ST3GAL2: variants seen among roughly 807,000 people sequenced by gnomAD.
The protein encoded by ST3GAL2 is CMP-N-acetylneuraminate-beta-galactosamide-alpha-2,3-sialyltransferase 2.
In ST3GAL2, 16 loss-of-function variants were observed where a neutral mutation model predicts 37.5. The observed-to-expected ratio is 0.43, with a 90% CI of 0.29 to 0.65. The LOEUF is 0.65. Among genes scored for constraint, ST3GAL2 ranks in the 30% least tolerant of loss-of-function variants. ST3GAL2 has a pLI of 0.17. For synonymous variants in ST3GAL2, 238 were observed against 202.9 expected, an observed-to-expected ratio of 1.17 and a Z score of -1.47; for missense variants, 383 against 487.8, an observed-to-expected ratio of 0.79 and a Z score of 2.02.
chr16:70,396,568 CAA>C (rs2047517691), intron 2 of ST3GAL2, among the ~76,000 whole-genome samples: 1 of 152,084 alleles, frequency 6.6e-6, no homozygotes, highest in Non-Finnish European at 1.5e-5. Context: ...TGTGCCACTG[CAA>C]AGACAGTGAG....
Position 70,382,865 on chromosome 16 carries a change from G to A in ST3GAL2, c.819C>T (p.His273=), listed in dbSNP as rs748336126. 29 of 1,614,140 alleles carry A rather than the reference G, an allele frequency of 1.8e-5. No homozygotes were observed. The Middle Eastern group carries it at 6.6e-4, about 37-fold the overall frequency. ...KYIHDRWTEH[H]GRYPSTGMLV... ...GCATCCCCGTGGAAGGGTACCGCCCGTGATGCTCTGTCCACCTGTCGTGGA... is the reference window on the plus strand; with the variant it reads ...GCATCCCCGTGGAAGGGTACCGCCCATGATGCTCTGTCCACCTGTCGTGGA... The change falls in exon 6 of 7, where the codon CAC becomes CAT. Residue 273 remains histidine (H), a synonymous_variant. Coordinates refer to ENST00000342907, the MANE Select transcript of ST3GAL2 (RefSeq NM_006927.4).
chr16:70,411,375 A>G (rs2047636927), intron 1 of ST3GAL2, among the ~76,000 whole-genome samples: 1 of 150,092 alleles, frequency 6.7e-6, no homozygotes. Context: ...CAGTGATTGC[A>G]ATAAAAAATA....
chr16:70,402,451 C>G (rs1364838191), intron 1 of ST3GAL2, among the ~76,000 whole-genome samples: 4 of 152,004 alleles, frequency 2.6e-5, no homozygotes, highest in African/African-American at 4.8e-5. Context: ...CAGCATGAAT[C>G]CATGAAAAGC....
At chr16:70,405,712 G>C (rs961482112) in intron 1 of ST3GAL2, among the ~76,000 whole-genome samples, 2 of 152,090 alleles carry the variant, frequency 1.3e-5, no homozygotes, top group African/African-American at 4.8e-5. Flanking sequence ...ACTGCCAGTG[G>C]GTTGGAGTTT....
chr16:70,436,481 C>T lies in ST3GAL2; in HGVS notation c.-1004+2468G>A, dbSNP rs537511512. Among the ~76,000 whole-genome samples, 4 of 148,304 alleles carry T rather than the reference C, an allele frequency of 2.7e-5. No individual in the cohort carries two copies. The South Asian group carries it at 8.6e-4, about 32-fold the overall frequency. ...AAGAAAAAAAAAAAAAAAAAGACTT[C>T]GCATCTGCTTGGATTAATCTCTCAA... is the stretch of plus-strand genomic sequence containing the variant. On this transcript the variant is annotated intron_variant, in intron 1 of 6. Transcript: ENST00000342907.
intron 4 of ST3GAL2, among the ~76,000 whole-genome samples, chr16:70,386,885 C>A (rs963600932): frequency 6.6e-6 from 1 of 150,990 alleles, no homozygotes; most frequent in Non-Finnish European, 1.5e-5. Context: ...ACCTTGTGAT[C>A]CACCCGCCTT....
rs774106651 is a variant in ST3GAL2 at position 70,399,149 on chromosome 16, TG to T, written c.-620del. On this transcript the variant is annotated 5_prime_UTR_variant, in exon 2 of 7. The change creates a premature stop within an existing upstream ORF in the 5' untranslated region. Coordinates refer to ENST00000342907, the MANE Select transcript of ST3GAL2 (RefSeq NM_006927.4). ...ACAAAAACAGGAAGCTCTGTGAGTG[TG>T]GGAAAACTCCGCTGCAGAGATCGAG... The T allele has an allele frequency of 2.5e-6, 1 of 399,596 alleles. No homozygotes were observed. Among genetic ancestry groups the T allele is most frequent in the Admixed American group, 4.4e-5 (1 of 22,868 alleles). 24.8% of individuals were successfully genotyped at this position (399,596 alleles called of 1,614,324 possible). A position where few individuals can be genotyped will look rare whatever the true frequency, so the allele number is the denominator to read the frequency against.
At chr16:70,400,770 GAAC>G (rs2047549696) in intron 1 of ST3GAL2, 1 of 152,300 alleles carries the variant, frequency 6.6e-6, no homozygotes, top group South Asian at 2.1e-4. Context: ...TGGCCTCCCT[GAAC>G]TACCCACGGC....
chr16:70,420,328 C>G (rs533847847), intron 1 of ST3GAL2, among the ~76,000 whole-genome samples: 4 of 152,226 alleles, frequency 2.6e-5, no homozygotes, highest in East Asian at 3.9e-4. Flanking sequence ...TGGAACAAGG[C>G]TGCACTCCTA....
rs866570169 is a variant in ST3GAL2, at chr16:70,415,023, G to A, written c.-1003-15490C>T. ...CGAGTATCTGGGACTACAGGCGTCCGCCACCAAACCTGGCTAACTTTTTGT... is the reference window on the plus strand; with the variant it reads ...CGAGTATCTGGGACTACAGGCGTCCACCACCAAACCTGGCTAACTTTTTGT... On this transcript the variant is annotated intron_variant, in intron 1 of 6. Transcript: ENST00000342907. Among the ~76,000 whole-genome samples the A allele has an allele frequency of 2.1e-4, 32 of 152,084 alleles. 1 individual carries two copies. The highest frequency in any genetic ancestry group is 8.3e-4 in the South Asian group (4 of 4,824).
chr16:70,434,314 G>A (rs1461361148), intron 1 of ST3GAL2, among the ~76,000 whole-genome samples: 1 of 152,084 alleles, frequency 6.6e-6, no homozygotes, highest in Non-Finnish European at 1.5e-5. Flanking sequence ...GTGCGTGCCT[G>A]TAATCCCAGC....
intron 1 of ST3GAL2, among the ~76,000 whole-genome samples, chr16:70,437,068 G>A (rs1393202702): frequency 2.0e-5 from 3 of 152,230 alleles, no homozygotes; most frequent in East Asian, 1.9e-4. Flanking sequence ...GAGTAGAAAT[G>A]CTCCCCTGAG....
In ST3GAL2 at chr16:70,398,557, C is replaced by G. The variant is rs747661710; in HGVS notation, c.-27G>C. ...GTGCCGGCAGGCGGGTGACGGTCAC[C>G]GTGGCCACTCTTTTCCCAGCCCGCT... is the stretch of plus-strand genomic sequence containing the variant. On this transcript the variant is annotated 5_prime_UTR_variant, in exon 2 of 7. Coordinates refer to ENST00000342907, the MANE Select transcript of ST3GAL2 (RefSeq NM_006927.4). 6 of 1,550,834 alleles carry G rather than the reference C, an allele frequency of 3.9e-6. No homozygotes were observed. The Admixed American group carries it at 7.6e-5, about 20-fold the overall frequency.
chr16:70,433,845 A>T (rs1267895054), intron 1 of ST3GAL2, among the ~76,000 whole-genome samples: 1 of 152,192 alleles, frequency 6.6e-6, no homozygotes, highest in Non-Finnish European at 1.5e-5. Flanking sequence ...CTTTCTAAAT[A>T]AATCCCCTAT....
At chr16:70,420,071 A>G (rs1002343005) in intron 1 of ST3GAL2, among the ~76,000 whole-genome samples, 23 of 146,226 alleles carry the variant, frequency 1.6e-4, no homozygotes, top group Non-Finnish European at 4.5e-5. Context: ...CTTTCACCCA[A>G]GCTAGAGTGA....
intron 1 of ST3GAL2, among the ~76,000 whole-genome samples, chr16:70,411,051 A>G (rs1401134741): frequency 1.3e-5 from 2 of 152,136 alleles, no homozygotes; most frequent in Non-Finnish European, 2.9e-5. Context: ...AATGAGACCC[A>G]AGGGAGTATG....
chr16:70,381,627 G>C lies in ST3GAL2; in HGVS notation c.*62C>G. 10 of 1,573,360 alleles carry C rather than the reference G, an allele frequency of 6.4e-6. No individual in the cohort carries two copies. Among genetic ancestry groups the C allele is most frequent in the South Asian group, 1.2e-5 (1 of 86,826 alleles). On this transcript the variant is annotated 3_prime_UTR_variant, in exon 7 of 7. Transcript: ENST00000342907. ...GATTGGTCGCGGGTTGCTGGTCCTG[G>C]GTCCCGGGCCGGAGCCCCGGTGCCC...
At chr16:70,419,344 T>A (rs1219654886) in intron 1 of ST3GAL2, among the ~76,000 whole-genome samples, 3 of 152,122 alleles carry the variant, frequency 2.0e-5, no homozygotes, top group Non-Finnish European at 4.4e-5. Flanking sequence ...CTGTTAGGGA[T>A]GTGAGAATAG....
chr16:70,384,019 T>C (rs1429318113), intron 4 of ST3GAL2, among the ~76,000 whole-genome samples: 1 of 152,022 alleles, frequency 6.6e-6, no homozygotes, highest in East Asian at 1.9e-4. Flanking sequence ...CACACCTCCC[T>C]GTAGCCAGCC....
Sources: gnomAD v4.1 joint callset for allele counts (sites outside exome capture counted in the v4.1 genomes callset) on GRCh38, gnomAD v4.1.1 for gene constraint, MANE v1.5 for transcripts, NCBI Gene and HGNC (gene_info 2026-07-23, HGNC 2026-07-21) for gene names.